The following SLC13A1 variants were observed in gnomAD, a reference collection of about 807,000 sequenced individuals.
SLC13A1 encodes Na(+)/sulfate cotransporter.
In SLC13A1, 65 loss-of-function variants were observed where a neutral mutation model predicts 70.0. That is an observed-to-expected ratio of 0.93 (90% CI 0.76 to 1.14). The LOEUF is 1.14. Among genes scored for constraint, SLC13A1 ranks in the 50% most tolerant of loss-of-function variants. The pLI, the probability that SLC13A1 is intolerant of heterozygous loss-of-function variation, is 0.00. For missense variants in SLC13A1, 726 were observed against 717.8 expected (o/e 1.01, Z -0.13); for synonymous variants, 275 against 250.5 (o/e 1.10, Z -0.92).
At chr7:123,154,525 G>A (rs1794653797) in intron 6 of SLC13A1, among the ~76,000 whole-genome samples, 1 of 151,938 alleles carries the variant, frequency 6.6e-6, no homozygotes, top group African/African-American at 2.4e-5. Context: ...CTCCAATTAT[G>A]GCTCTGTCAT....
intron 8 of SLC13A1, among the ~76,000 whole-genome samples, chr7:123,132,795 T>C (rs1358037940): frequency 6.6e-6 from 1 of 152,222 alleles, no homozygotes; most frequent in Non-Finnish European, 1.5e-5. Flanking sequence ...TACTCAAGAT[T>C]TGATATACAG....
chr7:123,149,438 T>C (rs1448891319), intron 6 of SLC13A1: 1 of 456,276 alleles, frequency 2.2e-6, no homozygotes, highest in Non-Finnish European at 4.4e-6. Flanking sequence ...TTAACGTCTA[T>C]CTCACCTTGT....
In SLC13A1 at chr7:123,115,376, G is replaced by A. The variant is rs1585275380; in HGVS notation, c.*142C>T. 1.3e-6 allele frequency: 1 copy of A among 765,878 alleles called. No homozygotes were observed. Among genetic ancestry groups the A allele is most frequent in the East Asian group, 2.7e-5 (1 of 37,062 alleles). 47.4% of individuals were successfully genotyped at this position (765,878 alleles called of 1,614,324 possible). ...TATGGACTCTGAGTTATAACAGCAGGTTTCGGGTATTCACAGGAATTGCAG... is the reference window on the plus strand; with the variant it reads ...TATGGACTCTGAGTTATAACAGCAGATTTCGGGTATTCACAGGAATTGCAG... On this transcript the variant is annotated 3_prime_UTR_variant, in exon 15 of 15. Transcript: ENST00000194130.
chr7:123,135,037 A>G (rs769819689), intron 7 of SLC13A1, among the ~76,000 whole-genome samples: 2 of 152,160 alleles, frequency 1.3e-5, no homozygotes, highest in African/African-American at 4.8e-5. Context: ...GTCATCTCCC[A>G]TGGCTGTTTT....
rs1037408215 is a variant in SLC13A1 at position 123,136,792 on chromosome 7, T to G, written c.813-2263A>C. Reference sequence around the variant, plus strand: ...AAAAGTGATTGGGGAAGGGGGAAATTTTACGTAATGCCATCAGAGAAGGTA... The same window carrying G: ...AAAAGTGATTGGGGAAGGGGGAAATGTTACGTAATGCCATCAGAGAAGGTA... On this transcript the variant is annotated intron_variant, in intron 7 of 14. Coordinates refer to ENST00000194130, the MANE Select transcript of SLC13A1 (RefSeq NM_022444.4). Among the ~76,000 whole-genome samples the G allele has an allele frequency of 4.8e-4, 73 of 152,016 alleles. 1 individual carries two copies. Among genetic ancestry groups the G allele is most frequent in the African/African-American group, 1.7e-3 (71 of 41,376 alleles).
At chr7:123,197,086 A>G (rs1185695459) in intron 1 of SLC13A1, among the ~76,000 whole-genome samples, 1 of 152,168 alleles carries the variant, frequency 6.6e-6, no homozygotes, top group Non-Finnish European at 1.5e-5. Flanking sequence ...AGTACTCTGC[A>G]AATCAGTCTA....
rs200005896 is a variant in SLC13A1 at position 123,186,291 on chromosome 7, CT to C, written c.100-5191del. Among the ~76,000 whole-genome samples the C allele has an allele frequency of 4.6e-5, 7 of 151,980 alleles. No homozygotes were observed. In the East Asian group the frequency reaches 1.2e-3, roughly 25 times the overall value. The stretch of plus-strand genomic sequence containing the variant: ...ACACAAAGAATACGAGGGTGAGTAA[CT>C]TTTGGTGGACAAGTTCTTCTGATGA... On this transcript the variant is annotated intron_variant, in intron 1 of 14. Transcript: ENST00000194130.
chr7:123,148,494 G>A lies in SLC13A1; in HGVS notation c.661-1184C>T, dbSNP rs867965379. ...TTTATTTAAGAGATGACTTTCTAGG[G>A]TGTAAGCCAAAAGCAACTTCATTCT... On this transcript the variant is annotated intron_variant, in intron 6 of 14. Transcript: ENST00000194130. 4.4e-5 allele frequency: 20 copies of A among 453,018 alleles called. No individual in the cohort carries two copies. In the Middle Eastern group the frequency reaches 3.3e-3, roughly 74 times the overall value. The allele number at this position is 453,018 out of a possible 1,614,324, so 28.1% of individuals were successfully genotyped here. A position where few individuals can be genotyped will look rare whatever the true frequency, so the allele number is the denominator to read the frequency against.
At chr7:123,188,336 C>T (rs563620778) in intron 1 of SLC13A1, among the ~76,000 whole-genome samples, 12 of 152,238 alleles carry the variant, frequency 7.9e-5, no homozygotes, top group Admixed American at 5.9e-4. Flanking sequence ...TACCCAGTCT[C>T]GGGCAGTTCT....
At chr7:123,154,382 G>A (rs2470970) in intron 6 of SLC13A1, among the ~76,000 whole-genome samples, 4,362 of 152,110 alleles carry the variant, frequency 0.029, 206 homozygotes, top group African/African-American at 0.1. Context: ...AGAATCCAAT[G>A]ACATCATCAC....
intron 1 of SLC13A1, among the ~76,000 whole-genome samples, chr7:123,199,007 G>A (rs879835820): frequency 6.6e-6 from 1 of 152,080 alleles, no homozygotes; most frequent in Non-Finnish European, 1.5e-5. Flanking sequence ...CAGAAGCACA[G>A]AGACATTAAG....
intron 3 of SLC13A1, among the ~76,000 whole-genome samples, chr7:123,171,437 G>A (rs922888259): frequency 2.6e-5 from 4 of 152,148 alleles, no homozygotes; most frequent in African/African-American, 7.2e-5. Context: ...AAACAAGATC[G>A]GAGGAAAATC....
rs1198276305 is a variant in SLC13A1 at position 123,180,087 on chromosome 7, T to A, written c.228+886A>T. ...GCCATTAGAAAGAAAAGACTCGAAG[T>A]TAGGTGGGAGGGGAAAACCCAGTAA... On this transcript the variant is annotated intron_variant, in intron 2 of 14. Coordinates refer to ENST00000194130, the MANE Select transcript of SLC13A1 (RefSeq NM_022444.4). Among the ~76,000 whole-genome samples the A allele has an allele frequency of 7.9e-5, 12 of 151,870 alleles. No homozygotes were observed. In the East Asian group the frequency reaches 2.1e-3, roughly 27 times the overall value.
intron 6 of SLC13A1, among the ~76,000 whole-genome samples, chr7:123,153,106 A>C (rs1167252348): frequency 2.6e-5 from 4 of 152,236 alleles, no homozygotes; most frequent in Admixed American, 6.6e-5. Context: ...TAAAAGCTTA[A>C]CTGTAAATAT....
chr7:123,168,223 T>C (rs1284894268), intron 6 of SLC13A1, 151 bp downstream of exon 6: 7 of 532,300 alleles, frequency 1.3e-5, no homozygotes, highest in Non-Finnish European at 2.0e-5. Context: ...CATGAAAGTT[T>C]ATCAAACCAT....
chr7:123,141,673 T>C (rs544805752), intron 7 of SLC13A1, among the ~76,000 whole-genome samples: 1 of 152,192 alleles, frequency 6.6e-6, no homozygotes, highest in African/African-American at 2.4e-5. Context: ...TTTATCATTA[T>C]ATAGTGACCT....
chr7:123,163,562 T>C (rs2116511322), intron 6 of SLC13A1, among the ~76,000 whole-genome samples: 1 of 152,228 alleles, frequency 6.6e-6, no homozygotes, highest in South Asian at 2.1e-4. Flanking sequence ...AGCAAAATGA[T>C]CATCGTTATT....
At chr7:123,133,095 A>T (rs1793822446) in intron 8 of SLC13A1, among the ~76,000 whole-genome samples, 1 of 152,030 alleles carries the variant, frequency 6.6e-6, no homozygotes, top group African/African-American at 2.4e-5. Flanking sequence ...ATGTGTTAGA[A>T]TTATAGCCTT....
At chr7:123,191,225 T>C (rs1795985743) in intron 1 of SLC13A1, among the ~76,000 whole-genome samples, 1 of 152,070 alleles carries the variant, frequency 6.6e-6, no homozygotes, top group African/African-American at 2.4e-5. Context: ...TCTAGCTGAG[T>C]TGGGTAGTAT....
Sources: gnomAD v4.1 joint callset for allele counts (sites outside exome capture counted in the v4.1 genomes callset) on GRCh38, gnomAD v4.1.1 for gene constraint, MANE v1.5 for transcripts, NCBI Gene and HGNC (gene_info 2026-07-23, HGNC 2026-07-21) for gene names.